The following PARG variants were observed in gnomAD, a reference collection of about 807,000 sequenced individuals.
PARG encodes the protein mitochondrial poly(ADP-ribose) glycohydrolase.
A neutral mutation model predicts 113.0 loss-of-function variants in PARG; 35 were observed. The ratio of observed to expected loss-of-function variants is 0.31; its 90% CI spans 0.24 to 0.41. The LOEUF (loss-of-function observed/expected upper bound fraction) is 0.41, where lower values mean the gene tolerates loss of function less well. Ranked by LOEUF, PARG falls within the 10% of genes least tolerant of loss-of-function variation. PARG has a pLI of 1.00. For missense variants in PARG, 797 were observed against 1,169.4 expected, an observed-to-expected ratio of 0.68 and a Z score of 4.64; for synonymous variants, 330 against 409.9, an observed-to-expected ratio of 0.81 and a Z score of 2.36.
In PARG at chr10:49,933,722, A is replaced by G. The variant is rs1482166225; in HGVS notation, c.726T>C (p.Asp242=). Reference sequence around the variant, plus strand: ...GACAACTTGCACAGTCTTCCCCAGGATCGCAAGACTTGCTGCACTTCTGGT... The same window carrying G: ...GACAACTTGCACAGTCTTCCCCAGGGTCGCAAGACTTGCTGCACTTCTGGT... The part of the protein sequence containing the change: ...KSHQKCSKSC[D]PGEDCASCQQ... The change falls in exon 3 of 18, where the codon GAT becomes GAC. Residue 242 remains aspartate (D), a synonymous_variant. Coordinates refer to ENST00000616448, the MANE Select transcript of PARG (RefSeq NM_003631.5). 1 of 1,611,322 alleles carries G rather than the reference A, an allele frequency of 6.2e-7. No individual in the cohort carries two copies. Among genetic ancestry groups the G allele is most frequent in the Non-Finnish European group, 8.5e-7 (1 of 1,177,492 alleles).
At chr10:49,934,406 T>C (rs1422463924) in intron 2 of PARG, among the ~76,000 whole-genome samples, 2 of 151,984 alleles carry the variant, frequency 1.3e-5, no homozygotes, top group African/African-American at 2.4e-5. Context: ...CAGTCTTCCT[T>C]TAGGGACCAA....
At chr10:49,916,248 A>G (rs1161810975) in intron 6 of PARG, among the ~76,000 whole-genome samples, 2 of 152,162 alleles carry the variant, frequency 1.3e-5, no homozygotes, top group Non-Finnish European at 2.9e-5. Flanking sequence ...TAAAGCATGC[A>G]TTCTAAATAA....
In PARG at chr10:49,860,113, G is replaced by C. The variant is rs1554835672; in HGVS notation, c.2205+1475C>G. Among the ~76,000 whole-genome samples, 4 of 152,256 alleles carry C rather than the reference G, an allele frequency of 2.6e-5. No homozygotes were observed. The East Asian group carries it at 5.8e-4, about 22-fold the overall frequency. On this transcript the variant is annotated intron_variant, in intron 12 of 17. Coordinates refer to ENST00000616448, the MANE Select transcript of PARG (RefSeq NM_003631.5). ...GTAGCATTGCAATACAATATTCCCC[G>C]ATCTCCTGCGGAGACATGGCATGGG...
chr10:49,897,554 C>G (rs1848149291), intron 7 of PARG, among the ~76,000 whole-genome samples: 1 of 152,188 alleles, frequency 6.6e-6, no homozygotes, highest in South Asian at 2.1e-4. Flanking sequence ...TGTGGCCCCC[C>G]AGTACTAAGC....
chr10:49,890,679 C>T (rs1357556602), intron 7 of PARG, among the ~76,000 whole-genome samples: 2 of 152,064 alleles, frequency 1.3e-5, no homozygotes, highest in Non-Finnish European at 2.9e-5. Context: ...TAGAAACAAG[C>T]TACTAAAATA....
At chr10:49,838,914 G>C (rs1161832069) in intron 15 of PARG, among the ~76,000 whole-genome samples, 1 of 152,102 alleles carries the variant, frequency 6.6e-6, no homozygotes, top group African/African-American at 2.4e-5. Flanking sequence ...CAACTTACTA[G>C]GCTTTATTGA....
chr10:49,921,205 C>A (rs1191655486), intron 6 of PARG, among the ~76,000 whole-genome samples: 1 of 152,124 alleles, frequency 6.6e-6, no homozygotes, highest in Non-Finnish European at 1.5e-5. Flanking sequence ...TATGTAATGG[C>A]TGAATTAATA....
chr10:49,897,382 C>T (rs1848138744), intron 7 of PARG, among the ~76,000 whole-genome samples: 1 of 152,182 alleles, frequency 6.6e-6, no homozygotes. Flanking sequence ...CAGTTCCCAT[C>T]TCCCTGGGAA....
intron 9 of PARG, among the ~76,000 whole-genome samples, chr10:49,874,559 T>C (rs1482739320): frequency 2.6e-5 from 4 of 151,852 alleles, no homozygotes; most frequent in African/African-American, 9.7e-5. Context: ...AAAATTAAAA[T>C]ATATAATAAA....
intron 16 of PARG, among the ~76,000 whole-genome samples, chr10:49,825,579 A>G (rs944462159): frequency 1.3e-5 from 2 of 152,234 alleles, no homozygotes; most frequent in Middle Eastern, 3.2e-3. Flanking sequence ...TTCCTAGAAC[A>G]TAGTATGCAC....
intron 13 of PARG, among the ~76,000 whole-genome samples, chr10:49,850,503 T>C (rs546585765): frequency 1.3e-5 from 2 of 152,340 alleles, no homozygotes; most frequent in African/African-American, 4.8e-5. Context: ...AGATGCGTGA[T>C]TCTATTTACT....
chr10:49,907,468 T>C (rs1836918761), intron 7 of PARG, among the ~76,000 whole-genome samples: 1 of 152,158 alleles, frequency 6.6e-6, no homozygotes, highest in Admixed American at 6.5e-5. Context: ...ACCTATTTAG[T>C]CTTTGATGAG....
In PARG at chr10:49,836,307, C is replaced by CTTTTTTTTTTTTTTTTTTTT. The variant is rs1168567519; in HGVS notation, c.2542-3419_2542-3400dup. Among the ~76,000 whole-genome samples, 19 of 48,006 alleles carry CTTTTTTTTTTTTTTTTTTTT rather than the reference C, an allele frequency of 4.0e-4. 6 individuals carry two copies. The highest frequency in any genetic ancestry group is 6.5e-4 in the Non-Finnish European group (18 of 27,662). The allele number at this position is 48,006 out of a possible 152,430, so 31.5% of individuals were successfully genotyped here. A position where few individuals can be genotyped will look rare whatever the true frequency, so the allele number is the denominator to read the frequency against. ...TTTAGTATTCTCTGATTTCTTACGA[C>CTTTTTTTTTTTTTTTTTTTT]TTTTTTTTTTTTTTTTTTTTTTTTT... On this transcript the variant is annotated intron_variant, in intron 15 of 17. Transcript: ENST00000616448.
chr10:49,847,744 ATAAC>A (rs1169631124), intron 13 of PARG, among the ~76,000 whole-genome samples: 11 of 138,516 alleles, frequency 7.9e-5, no homozygotes, highest in Non-Finnish European at 3.1e-5. Context: ...CCTGATTTTG[ATAAC>A]TAACTGTGCT....
At chr10:49,922,916 G>T (rs1554849727) in intron 4 of PARG, among the ~76,000 whole-genome samples, 1 of 152,094 alleles carries the variant, frequency 6.6e-6, no homozygotes, top group East Asian at 1.9e-4. Context: ...TTTACTAAGT[G>T]TTTCCTATCC....
At chr10:49,917,475 C>T (rs1241305400) in intron 6 of PARG, among the ~76,000 whole-genome samples, 9 of 126,834 alleles carry the variant, frequency 7.1e-5, no homozygotes, top group East Asian at 2.2e-4. Context: ...GGTGACAGAG[C>T]GAGACTCCGT....
chr10:49,856,516 G>A (rs1290760165), intron 13 of PARG, among the ~76,000 whole-genome samples: 14 of 152,254 alleles, frequency 9.2e-5, no homozygotes, highest in African/African-American at 3.4e-4. Flanking sequence ...ATTCAAAATA[G>A]GGTAAACAAA....
chr10:49,919,873 T>C (rs150805512), intron 6 of PARG, among the ~76,000 whole-genome samples: 361 of 152,236 alleles, frequency 2.4e-3, no homozygotes, highest in East Asian at 0.018. Context: ...AAGGATCCCA[T>C]CTTTGTATCC....
chr10:49,844,162 A>G (rs943770810), intron 13 of PARG, among the ~76,000 whole-genome samples: 2 of 152,136 alleles, frequency 1.3e-5, no homozygotes, highest in African/African-American at 4.8e-5. Flanking sequence ...AAAAAAGAAA[A>G]GAAAAGAAAG....
Sources: allele counts gnomAD v4.1 joint callset (sites outside exome capture counted in the v4.1 genomes callset), GRCh38; gene constraint gnomAD v4.1.1; transcripts MANE v1.5; gene names NCBI Gene and HGNC (gene_info 2026-07-23, HGNC 2026-07-21).